CYB5R4: variants seen among roughly 807,000 people sequenced by gnomAD.
CYB5R4 encodes cytochrome b5 reductase 4.
A neutral mutation model predicts 70.2 loss-of-function variants in CYB5R4; 55 were observed. The ratio of observed to expected loss-of-function variants is 0.78; its 90% CI spans 0.63 to 0.98. The LOEUF is 0.98. Ranked by LOEUF, CYB5R4 falls within the 50% of genes least tolerant of loss-of-function variation. CYB5R4 has a pLI of 0.00. For synonymous variants in CYB5R4, 197 were observed against 199.5 expected (o/e 0.99, Z 0.11); for missense variants, 562 against 612.6 (o/e 0.92, Z 0.87).
intron 2 of CYB5R4, among the ~76,000 whole-genome samples, chr6:83,878,965 G>A (rs995518203): frequency 6.6e-6 from 1 of 152,056 alleles, no homozygotes; most frequent in African/African-American, 2.4e-5. Flanking sequence ...ATCTTTGCAG[G>A]ATCTTTCTCC....
At chr6:83,923,282 G>T (rs1170330375) in intron 9 of CYB5R4, among the ~76,000 whole-genome samples, 4 of 152,062 alleles carry the variant, frequency 2.6e-5, no homozygotes, top group Non-Finnish European at 5.9e-5. Context: ...GTATATTCTT[G>T]TTTTCAAGTA....
At chr6:83,864,351 T>C in intron 2 of CYB5R4, 23 bp downstream of exon 2, 2 of 1,588,792 alleles carry the variant, frequency 1.3e-6, no homozygotes, top group Non-Finnish European at 1.7e-6. Context: ...TATTAAGTCC[T>C]TCAAAAAATG....
At chr6:83,871,604 C>T (rs1472036570) in intron 2 of CYB5R4, among the ~76,000 whole-genome samples, 1 of 152,164 alleles carries the variant, frequency 6.6e-6, no homozygotes, top group Admixed American at 6.5e-5. Flanking sequence ...GAAATTGCAG[C>T]CAACATTCTG....
At position 83,956,497 on chromosome 6, in the gene CYB5R4, AG is replaced by A. The variant is rs367780820; in HGVS notation, c.1511+1036del. 5.7e-3 allele frequency among the ~76,000 whole-genome samples: 875 copies of A among 152,262 alleles called. 5 individuals carry two copies. Among genetic ancestry groups the A allele is most frequent in the African/African-American group, 0.02 (843 of 41,552 alleles). The stretch of plus-strand genomic sequence containing the variant: ...AAGGGAATGTTCAGGTTAAGATAAA[AG>A]ATTGTGGAGACCAAGGTTCTTTTGA... On this transcript the variant is annotated intron_variant, in intron 15 of 15. Coordinates refer to ENST00000369681, the MANE Select transcript of CYB5R4 (RefSeq NM_016230.4).
At chr6:83,952,505 T>C (rs772922473) in intron 14 of CYB5R4, among the ~76,000 whole-genome samples, 3 of 152,126 alleles carry the variant, frequency 2.0e-5, no homozygotes, top group Non-Finnish European at 2.9e-5. Context: ...AAAATAAATC[T>C]GGGTAGTAGG....
At position 83,912,892 on chromosome 6, in the gene CYB5R4, G is replaced by A. The variant is rs3778192; in HGVS notation, c.413-1524G>A. On this transcript the variant is annotated intron_variant, in intron 4 of 15. Coordinates refer to ENST00000369681, the MANE Select transcript of CYB5R4 (RefSeq NM_016230.4). ...TCTTGTATTTAAAAAAGACTTGGTG[G>A]TGGGGGGGAACTACTAATTTTGCAG... 1.5e-3 allele frequency among the ~76,000 whole-genome samples: 227 copies of A among 152,254 alleles called. 2 individuals are homozygous for A. The highest frequency in any genetic ancestry group is 0.012 in the East Asian group (64 of 5,174).
At chr6:83,914,959 A>C (rs553355381) in intron 5 of CYB5R4, among the ~76,000 whole-genome samples, 1 of 151,858 alleles carries the variant, frequency 6.6e-6, no homozygotes. Context: ...CTTCTGTGAC[A>C]TCCCTGAATA....
chr6:83,931,813 T>A (rs1175900512), intron 10 of CYB5R4, among the ~76,000 whole-genome samples: 4 of 150,560 alleles, frequency 2.7e-5, no homozygotes, highest in Admixed American at 6.6e-5. Flanking sequence ...ATTTTTTTTT[T>A]ATTATACTTT....
At chr6:83,942,207 C>T (rs1254070725) in intron 14 of CYB5R4, among the ~76,000 whole-genome samples, 3 of 151,274 alleles carry the variant, frequency 2.0e-5, no homozygotes, top group Non-Finnish European at 3.0e-5. Context: ...GGAACAGCTC[C>T]GGTCTGCAGC....
At chr6:83,944,098 ACTT>A (rs1259174630) in intron 14 of CYB5R4, among the ~76,000 whole-genome samples, 1 of 152,126 alleles carries the variant, frequency 6.6e-6, no homozygotes, top group Non-Finnish European at 1.5e-5. Flanking sequence ...CCACAAAGAT[ACTT>A]CTTGAGAAGA....
At chr6:83,940,014 T>TG in intron 12 of CYB5R4, 42 bp from the exon 13 acceptor site, 60 of 1,404,706 alleles carry the variant, frequency 4.3e-5, no homozygotes, top group Non-Finnish European at 5.6e-5. Flanking sequence ...TTTTGTTTTT[T>TG]GTTTTTTTTT....
intron 2 of CYB5R4, among the ~76,000 whole-genome samples, chr6:83,869,439 A>C (rs957453000): frequency 6.6e-6 from 1 of 152,230 alleles, no homozygotes; most frequent in Admixed American, 6.5e-5. Flanking sequence ...CACACAGAGC[A>C]GTGAAAAATA....
chr6:83,886,091 C>T (rs548914296), intron 2 of CYB5R4, among the ~76,000 whole-genome samples: 1 of 152,170 alleles, frequency 6.6e-6, no homozygotes, highest in Non-Finnish European at 1.5e-5. Context: ...GGTCAACAGG[C>T]CACATCTTGT....
At chr6:83,876,680 AC>A (rs1292404984) in intron 2 of CYB5R4, among the ~76,000 whole-genome samples, 1 of 151,178 alleles carries the variant, frequency 6.6e-6, no homozygotes, top group Non-Finnish European at 1.5e-5. Flanking sequence ...TAAGCTGAAA[AC>A]CCCACAATAT....
At chr6:83,955,983 C>G (rs2099472366) in intron 15 of CYB5R4, among the ~76,000 whole-genome samples, 2 of 152,276 alleles carry the variant, frequency 1.3e-5, no homozygotes, top group South Asian at 4.1e-4. Context: ...AGTGGCGATC[C>G]TGTTTGAAAT....
intron 14 of CYB5R4, among the ~76,000 whole-genome samples, chr6:83,944,181 G>A (rs946305695): frequency 2.7e-5 from 4 of 146,644 alleles, no homozygotes; most frequent in Admixed American, 6.7e-5. Context: ...AGGGCAGCCA[G>A]AGAGGAAGGT....
chr6:83,941,056 G>C (rs1042236536), intron 14 of CYB5R4, among the ~76,000 whole-genome samples: 5 of 152,104 alleles, frequency 3.3e-5, no homozygotes, highest in African/African-American at 1.2e-4. Flanking sequence ...TTTATGCATT[G>C]CTTAGCAAAA....
At chr6:83,859,887 C>G (rs1194607356) in intron 1 of CYB5R4, 30 bp downstream of exon 1, 2 of 1,591,144 alleles carry the variant, frequency 1.3e-6, no homozygotes, top group African/African-American at 2.7e-5. Context: ...AGTCTCTCCC[C>G]TCGCTGCGTT....
At chr6:83,864,455 C>T in intron 2 of CYB5R4, 127 bp downstream of exon 2, 1 of 739,364 alleles carries the variant, frequency 1.4e-6, no homozygotes, top group Admixed American at 3.2e-5. Flanking sequence ...TTGTGCTTGA[C>T]AATAACTTAT....
Sources: gnomAD v4.1 joint callset for allele counts (sites outside exome capture counted in the v4.1 genomes callset) on GRCh38, gnomAD v4.1.1 for gene constraint, MANE v1.5 for transcripts, NCBI Gene and HGNC (gene_info 2026-07-23, HGNC 2026-07-21) for gene names.